The following AGMO variants were observed in gnomAD, a reference collection of about 807,000 sequenced individuals.
AGMO encodes glyceryl-ether monooxygenase.
Under a neutral mutation model 60.2 loss-of-function variants are expected in AGMO, and 75 were observed. The observed-to-expected ratio is 1.25, with a 90% CI of 1.03 to 1.51. AGMO has a LOEUF of 1.51. AGMO is among the 40% of genes most tolerant of loss of function. The pLI is 0.00. For synonymous variants in AGMO, 261 were observed against 177.1 expected (o/e 1.47, Z -3.76); for missense variants, 763 against 525.5 (o/e 1.45, Z -4.42).
At chr7:15,319,705 A>T (rs977437655) in intron 12 of AGMO, among the ~76,000 whole-genome samples, 41 of 152,104 alleles carry the variant, frequency 2.7e-4, no homozygotes, top group African/African-American at 9.7e-4. Flanking sequence ...ACACACACGG[A>T]AAGATTCCAT....
intron 5 of AGMO, among the ~76,000 whole-genome samples, chr7:15,405,490 C>A (rs1010409146): frequency 3.3e-5 from 5 of 151,916 alleles, no homozygotes; most frequent in African/African-American, 1.2e-4. Context: ...TGGAAGGGAG[C>A]AATCATTCTG....
intron 12 of AGMO, among the ~76,000 whole-genome samples, chr7:15,215,228 G>A (rs1055684794): frequency 6.6e-6 from 1 of 152,076 alleles, no homozygotes; most frequent in Non-Finnish European, 1.5e-5. Context: ...ATCCTGAAAT[G>A]AGAAGACTGT....
intron 3 of AGMO, among the ~76,000 whole-genome samples, chr7:15,496,104 T>C (rs777696782): frequency 7.9e-5 from 12 of 152,078 alleles, no homozygotes; most frequent in Non-Finnish European, 1.5e-4. Context: ...TGGATATAGA[T>C]TTGCACAGCT....
intron 5 of AGMO, among the ~76,000 whole-genome samples, chr7:15,407,481 G>C (rs924441990): frequency 2.0e-5 from 3 of 151,398 alleles, no homozygotes; most frequent in Non-Finnish European, 4.4e-5. Flanking sequence ...TCAGAGAAAT[G>C]GAAGCAAAGT....
chr7:15,460,403 T>C (rs964300388), intron 3 of AGMO, among the ~76,000 whole-genome samples: 3 of 152,130 alleles, frequency 2.0e-5, no homozygotes, highest in African/African-American at 7.2e-5. Context: ...TACTTTTAAA[T>C]TTTTCACATA....
chr7:15,193,656 T>C, the AGMO span, among the ~76,000 whole-genome samples: 4 of 152,138 alleles, frequency 2.6e-5, no homozygotes, highest in African/African-American at 7.2e-5. Context: ...CACTAATAAC[T>C]TCAGGAACAA....
chr7:15,378,748 G>C (rs919710475), intron 10 of AGMO, among the ~76,000 whole-genome samples: 1 of 151,584 alleles, frequency 6.6e-6, no homozygotes, highest in Admixed American at 6.6e-5. Flanking sequence ...AAATTCTATA[G>C]TGCCTTTCTA....
intron 12 of AGMO, among the ~76,000 whole-genome samples, chr7:15,203,747 G>A (rs929995786): frequency 6.6e-6 from 1 of 151,934 alleles, no homozygotes; most frequent in African/African-American, 2.4e-5. Flanking sequence ...AAATTCATGT[G>A]GTTATACCAA....
chr7:15,521,460 C>T (rs546194880), intron 3 of AGMO, among the ~76,000 whole-genome samples: 6 of 152,142 alleles, frequency 3.9e-5, no homozygotes, highest in African/African-American at 1.4e-4. Flanking sequence ...AAAATACTGG[C>T]AAACCAAATC....
intron 4 of AGMO, among the ~76,000 whole-genome samples, chr7:15,422,404 A>C (rs2128495404): frequency 6.6e-6 from 1 of 152,266 alleles, no homozygotes; most frequent in African/African-American, 2.4e-5. Flanking sequence ...ACAGTAAGGT[A>C]AGAGCAATGT....
At chr7:15,375,860 T>C (rs900491951) in intron 10 of AGMO, among the ~76,000 whole-genome samples, 11 of 152,138 alleles carry the variant, frequency 7.2e-5, no homozygotes, top group Non-Finnish European at 1.2e-4. Flanking sequence ...TTGTGTTTGT[T>C]ATGTAACTTT....
intron 2 of AGMO, among the ~76,000 whole-genome samples, chr7:15,547,508 G>A (rs1341842734): frequency 6.6e-6 from 1 of 152,178 alleles, no homozygotes; most frequent in Non-Finnish European, 1.5e-5. Flanking sequence ...CACTCGGGAA[G>A]CGCAAGGGGT....
chr7:15,553,541 T>C (rs1785036963), intron 2 of AGMO, among the ~76,000 whole-genome samples: 1 of 151,856 alleles, frequency 6.6e-6, no homozygotes, highest in African/African-American at 2.4e-5. Flanking sequence ...GAACACACTA[T>C]TAAACAGGGC....
At chr7:15,466,932 T>C (rs528853915) in intron 3 of AGMO, among the ~76,000 whole-genome samples, 1 of 151,974 alleles carries the variant, frequency 6.6e-6, no homozygotes. Context: ...AGGAGGAAAA[T>C]GATTAGTAAT....
chr7:15,354,289 GAT>G (rs542557346), intron 12 of AGMO, among the ~76,000 whole-genome samples: 3 of 107,490 alleles, frequency 2.8e-5, no homozygotes, highest in South Asian at 3.0e-4. Flanking sequence ...TCACGAATGA[GAT>G]AAATATATAT....
At chr7:15,129,179 A>C in the AGMO span, among the ~76,000 whole-genome samples, 4 of 151,992 alleles carry the variant, frequency 2.6e-5, no homozygotes. Flanking sequence ...ATTGCTACAT[A>C]AGTGTGGTTT....
At chr7:15,326,627 T>C (rs1781346712) in intron 12 of AGMO, among the ~76,000 whole-genome samples, 1 of 152,230 alleles carries the variant, frequency 6.6e-6, no homozygotes. Flanking sequence ...ATATTTCTCT[T>C]ACGTGTGCTT....
intron 12 of AGMO, among the ~76,000 whole-genome samples, chr7:15,316,556 G>A (rs111534488): frequency 2.1e-3 from 312 of 152,122 alleles, no homozygotes; most frequent in African/African-American, 6.8e-3. Context: ...TCTTTGCTTG[G>A]CCAAGAATGG....
intron 12 of AGMO, among the ~76,000 whole-genome samples, chr7:15,266,345 A>T (rs1330784994): frequency 6.6e-6 from 1 of 152,068 alleles, no homozygotes; most frequent in East Asian, 1.9e-4. Context: ...TGAAATAAAC[A>T]AAAATTGTCA....
Sources: allele counts gnomAD v4.1 joint callset (sites outside exome capture counted in the v4.1 genomes callset), GRCh38; gene constraint gnomAD v4.1.1; transcripts MANE v1.5; gene names NCBI Gene and HGNC (gene_info 2026-07-23, HGNC 2026-07-21).